Variants in NAMPT observed in about 807,000 individuals in gnomAD.
NAMPT encodes the protein NAmPRTase.
NAMPT carries 7 observed loss-of-function variants against 58.7 expected under a neutral mutation model. The observed-to-expected ratio is 0.12, with a 90% CI of 0.07 to 0.22. NAMPT has a LOEUF of 0.22. NAMPT is among the 10% of genes least tolerant of loss of function. The pLI is 1.00. For missense variants in NAMPT, 271 were observed against 567.9 expected, an observed-to-expected ratio of 0.48 and a Z score of 5.31; for synonymous variants, 145 against 198.1, an observed-to-expected ratio of 0.73 and a Z score of 2.25.
In NAMPT at chr7:106,271,741, T is replaced by C. The variant is rs925410955; in HGVS notation, c.447+789A>G. On this transcript the variant is annotated intron_variant, in intron 4 of 10. Transcript: ENST00000222553. Reference sequence around the variant, plus strand: ...TTATAAGTGAGCCTCAAATGTACTATTTTACAATATAATAGCAAATTACTT... The same window carrying C: ...TTATAAGTGAGCCTCAAATGTACTACTTTACAATATAATAGCAAATTACTT... 2 of 152,304 alleles carry C rather than the reference T, an allele frequency of 1.3e-5. 1 individual carries two copies. The highest frequency in any genetic ancestry group is 1.3e-4 in the Admixed American group (2 of 15,278). The allele number at this position is 152,304 out of a possible 1,614,324, so 9.4% of individuals were successfully genotyped here. A position where few individuals can be genotyped will look rare whatever the true frequency, so the allele number is the denominator to read the frequency against.
At chr7:106,260,542 C>CT (rs2115748364) in intron 8 of NAMPT, among the ~76,000 whole-genome samples, 1 of 152,308 alleles carries the variant, frequency 6.6e-6, no homozygotes, top group South Asian at 2.1e-4. Flanking sequence ...TGGAGTAGCA[C>CT]TTTGATTTTT....
In NAMPT at chr7:106,280,199, G is replaced by T. The variant is rs958717284; in HGVS notation, c.58-3020C>A. 4.6e-5 allele frequency among the ~76,000 whole-genome samples: 7 copies of T among 152,264 alleles called. 1 individual carries two copies. The highest frequency in any genetic ancestry group is 4.6e-4 in the Admixed American group (7 of 15,298). The stretch of plus-strand genomic sequence containing the variant: ...TTAGGGGCTATTAGGTTAGATGGGA[G>T]AATTTGCCCAGTGTTTTTGGAGGTA... On this transcript the variant is annotated intron_variant, in intron 1 of 10. Coordinates refer to ENST00000222553, the MANE Select transcript of NAMPT (RefSeq NM_005746.3).
intron 8 of NAMPT, among the ~76,000 whole-genome samples, chr7:106,261,182 G>A (rs991199735): frequency 2.0e-5 from 3 of 152,152 alleles, no homozygotes; most frequent in Admixed American, 1.3e-4. Flanking sequence ...AGAAGAGGTG[G>A]CAGCTATTCT....
chr7:106,284,753 G>A (rs1184933300), intron 1 of NAMPT, 75 bp downstream of exon 1: 7 of 151,112 alleles, frequency 4.6e-5, no homozygotes, highest in Non-Finnish European at 6.4e-5. Context: ...AGCCCCAGCC[G>A]CCCCCGCCCC....
At chr7:106,276,020 C>A (rs897152268) in intron 2 of NAMPT, 6 of 152,112 alleles carry the variant, frequency 3.9e-5, no homozygotes, top group African/African-American at 9.7e-5. Context: ...CTGAGTGAGA[C>A]CCTGTCTAAA....
intron 9 of NAMPT, chr7:106,253,526 A>C: frequency 5.6e-6 from 1 of 178,250 alleles, no homozygotes; most frequent in Non-Finnish European, 1.2e-5. Context: ...AAGCCCAACT[A>C]TACCAACTAC....
At chr7:106,252,341 G>A (rs959374297) in intron 10 of NAMPT, among the ~76,000 whole-genome samples, 5 of 151,962 alleles carry the variant, frequency 3.3e-5, no homozygotes, top group South Asian at 2.1e-4. Flanking sequence ...TTTCATTAAC[G>A]GTAACAAAGT....
chr7:106,267,041 A>G (rs1299825845), intron 6 of NAMPT, among the ~76,000 whole-genome samples: 1 of 152,224 alleles, frequency 6.6e-6, no homozygotes, highest in Non-Finnish European at 1.5e-5. Flanking sequence ...TTTCATCACA[A>G]TGCTTGATAC....
chr7:106,283,481 A>G (rs886083248), intron 1 of NAMPT, among the ~76,000 whole-genome samples: 1 of 152,180 alleles, frequency 6.6e-6, no homozygotes, highest in Non-Finnish European at 1.5e-5. Context: ...TTAGTTAAGA[A>G]AAAAATTCTA....
intron 1 of NAMPT, among the ~76,000 whole-genome samples, chr7:106,283,704 T>C (rs977033146): frequency 1.3e-5 from 2 of 152,216 alleles, no homozygotes; most frequent in Non-Finnish European, 1.5e-5. Flanking sequence ...AACTTGTTGA[T>C]GGATCTTGGC....
At chr7:106,264,221 C>G (rs1444111415) in intron 6 of NAMPT, among the ~76,000 whole-genome samples, 2 of 151,956 alleles carry the variant, frequency 1.3e-5, no homozygotes, top group African/African-American at 4.8e-5. Flanking sequence ...TGCAGATTAT[C>G]TACTACGAAT....
intron 6 of NAMPT, among the ~76,000 whole-genome samples, chr7:106,264,019 A>G (rs972960976): frequency 4.6e-5 from 7 of 152,114 alleles, no homozygotes; most frequent in African/African-American, 1.7e-4. Context: ...TTGTTAGGCA[A>G]TGAGAGCACC....
chr7:106,264,404 T>C (rs1792370553), intron 6 of NAMPT, among the ~76,000 whole-genome samples: 1 of 152,066 alleles, frequency 6.6e-6, no homozygotes, highest in South Asian at 2.1e-4. Flanking sequence ...TAATTATAGA[T>C]TGGGTATCGC....
At chr7:106,268,443 A>G (rs1320345888) in intron 6 of NAMPT, 21 bp downstream of exon 6, 2 of 1,591,086 alleles carry the variant, frequency 1.3e-6, no homozygotes, top group African/African-American at 2.7e-5. Context: ...GTAGTTTTAA[A>G]AAATGAACAG....
At chr7:106,285,235 A>G (rs1397493458), upstream of NAMPT, 6 of 976,484 alleles carry the variant, frequency 6.1e-6, no homozygotes, top group Non-Finnish European at 7.6e-6. Flanking sequence ...GGAGGACGTG[A>G]TGCACGCGCT....
At chr7:106,269,032 G>A in intron 5 of NAMPT, 122 bp downstream of exon 5, 1 of 882,980 alleles carries the variant, frequency 1.1e-6, no homozygotes, top group Non-Finnish European at 1.7e-6. Flanking sequence ...ATATGTATCT[G>A]TTGGTTGAAT....
chr7:106,263,129 T>G, intron 7 of NAMPT: 1 of 442,234 alleles, frequency 2.3e-6, no homozygotes, highest in Non-Finnish European at 4.0e-6. Flanking sequence ...GCAATGCTGT[T>G]AATTAATTTT....
intron 3 of NAMPT, among the ~76,000 whole-genome samples, chr7:106,272,912 T>G (rs983038823): frequency 1.3e-5 from 2 of 152,176 alleles, no homozygotes; most frequent in Non-Finnish European, 2.9e-5. Context: ...CATTTATCAC[T>G]ACAAGTGGCA....
intron 4 of NAMPT, chr7:106,270,170 AGTCT>A (rs933736652): frequency 4.5e-6 from 1 of 224,312 alleles, no homozygotes. Context: ...TCCACAGAAA[AGTCT>A]GTCTAATCAC....
Sources: allele counts gnomAD v4.1 joint callset (sites outside exome capture counted in the v4.1 genomes callset), GRCh38; gene constraint gnomAD v4.1.1; transcripts MANE v1.5; gene names NCBI Gene and HGNC (gene_info 2026-07-23, HGNC 2026-07-21).